HMGCLL1: variants seen among roughly 807,000 people sequenced by gnomAD.
HMGCLL1 encodes 3-hydroxy-3-methylglutaryl-CoA lyase like 1.
In HMGCLL1, 36 loss-of-function variants were observed where a neutral mutation model predicts 39.1. The observed-to-expected ratio is 0.92, with a 90% CI of 0.71 to 1.22. The LOEUF is 1.22. Among genes scored for constraint, HMGCLL1 ranks in the 50% most tolerant of loss-of-function variants. HMGCLL1 has a pLI of 0.00. For missense variants in HMGCLL1, 451 were observed against 416.5 expected, an observed-to-expected ratio of 1.08 and a Z score of -0.72; for synonymous variants, 149 against 144.0, an observed-to-expected ratio of 1.03 and a Z score of -0.25.
intron 6 of HMGCLL1, among the ~76,000 whole-genome samples, chr6:55,496,107 T>C (rs1242321596): frequency 6.6e-6 from 1 of 152,146 alleles, no homozygotes; most frequent in Non-Finnish European, 1.5e-5. Context: ...GTTTGAACTC[T>C]ATGGATCCAC....
intron 1 of HMGCLL1, among the ~76,000 whole-genome samples, chr6:55,566,306 A>G (rs1418308647): frequency 6.6e-6 from 1 of 152,100 alleles, no homozygotes; most frequent in Non-Finnish European, 1.5e-5. Context: ...TTGTTTGCCA[A>G]GCTTCCTAGA....
chr6:55,592,622 GC>G, the HMGCLL1 span, among the ~76,000 whole-genome samples: 1 of 152,002 alleles, frequency 6.6e-6, no homozygotes, highest in Admixed American at 6.6e-5. Flanking sequence ...GATGTAACAA[GC>G]AAAAATATAT....
At chr6:55,497,144 A>G (rs947599892) in intron 6 of HMGCLL1, among the ~76,000 whole-genome samples, 4 of 152,166 alleles carry the variant, frequency 2.6e-5, no homozygotes, top group Non-Finnish European at 4.4e-5. Context: ...GTATTTTGAC[A>G]AAGACATGGG....
chr6:55,550,362 T>C (rs991844743), intron 1 of HMGCLL1, among the ~76,000 whole-genome samples: 1 of 151,916 alleles, frequency 6.6e-6, no homozygotes, highest in Non-Finnish European at 1.5e-5. Flanking sequence ...AGCGCCACTT[T>C]ATCCAAGGTC....
the HMGCLL1 span, among the ~76,000 whole-genome samples, chr6:55,586,382 AAAACATGG>A: frequency 1.5e-5 from 2 of 129,742 alleles, no homozygotes; most frequent in East Asian, 5.4e-4. Flanking sequence ...AAAAACTAAC[AAAACATGG>A]AAATCAGTTT....
intron 5 of HMGCLL1, among the ~76,000 whole-genome samples, chr6:55,499,838 AT>A (rs1461025930): frequency 1.3e-5 from 2 of 151,978 alleles, no homozygotes. Flanking sequence ...TACCTAAATC[AT>A]TCCAAACAGA....
At chr6:55,624,685 T>C in the HMGCLL1 span, among the ~76,000 whole-genome samples, 1 of 152,106 alleles carries the variant, frequency 6.6e-6, no homozygotes, top group African/African-American at 2.4e-5. Context: ...GGATGGGAAA[T>C]AAATCTAACT....
intron 1 of HMGCLL1, among the ~76,000 whole-genome samples, chr6:55,565,469 G>T (rs1771169009): frequency 6.6e-6 from 1 of 151,858 alleles, no homozygotes; most frequent in Admixed American, 6.6e-5. Context: ...TATTTCATTT[G>T]TCCCATGTGA....
the HMGCLL1 span, among the ~76,000 whole-genome samples, chr6:55,633,223 T>C: frequency 2.0e-5 from 3 of 152,038 alleles, no homozygotes; most frequent in East Asian, 5.8e-4. Flanking sequence ...AACTTTTGTG[T>C]TCTTGAAGAA....
the HMGCLL1 span, among the ~76,000 whole-genome samples, chr6:55,631,853 G>A: frequency 1.3e-5 from 2 of 152,086 alleles, no homozygotes; most frequent in East Asian, 3.9e-4. Context: ...TGGATGTCAG[G>A]TAGGTCTGAC....
chr6:55,616,278 T>C, the HMGCLL1 span, among the ~76,000 whole-genome samples: 2 of 152,100 alleles, frequency 1.3e-5, no homozygotes, highest in African/African-American at 4.8e-5. Flanking sequence ...TACTGGGACT[T>C]GATCTCTTGA....
intron 3 of HMGCLL1, among the ~76,000 whole-genome samples, chr6:55,532,501 C>T (rs1184926049): frequency 6.6e-6 from 1 of 151,734 alleles, no homozygotes; most frequent in African/African-American, 2.4e-5. Flanking sequence ...AAAAAAAGTC[C>T]AAAGAGAAAA....
chr6:55,517,344 C>T (rs933912423), intron 3 of HMGCLL1, among the ~76,000 whole-genome samples: 14 of 151,996 alleles, frequency 9.2e-5, no homozygotes, highest in Non-Finnish European at 2.1e-4. Flanking sequence ...AATCAGATCC[C>T]ATAATCATCA....
At chr6:55,521,247 G>C (rs1768026496) in intron 3 of HMGCLL1, among the ~76,000 whole-genome samples, 1 of 152,040 alleles carries the variant, frequency 6.6e-6, no homozygotes, top group African/African-American at 2.4e-5. Context: ...TGAGATTAGT[G>C]GAATTTCAAG....
chr6:55,551,017 T>C (rs1021102217), intron 1 of HMGCLL1, among the ~76,000 whole-genome samples: 2 of 148,670 alleles, frequency 1.3e-5, no homozygotes, highest in South Asian at 4.2e-4. Context: ...CCTTGCCTAG[T>C]CTATACATCT....
the HMGCLL1 span, among the ~76,000 whole-genome samples, chr6:55,624,599 T>C: frequency 6.6e-6 from 1 of 152,152 alleles, no homozygotes. Context: ...CCATGGATGA[T>C]ATTATGCAGA....
intron 1 of HMGCLL1, among the ~76,000 whole-genome samples, chr6:55,560,032 G>A (rs908175678): frequency 6.6e-6 from 1 of 152,062 alleles, no homozygotes; most frequent in African/African-American, 2.4e-5. Context: ...TAATTCATTC[G>A]TTCATTCACA....
At chr6:55,548,901 T>A (rs1005094835) in intron 1 of HMGCLL1, among the ~76,000 whole-genome samples, 3 of 150,322 alleles carry the variant, frequency 2.0e-5, no homozygotes, top group African/African-American at 4.9e-5. Flanking sequence ...ATCAAAGAAA[T>A]CAAGAATAGG....
At chr6:55,642,903 AT>A in the HMGCLL1 span, among the ~76,000 whole-genome samples, 1 of 151,912 alleles carries the variant, frequency 6.6e-6, no homozygotes, top group African/African-American at 2.4e-5. Flanking sequence ...TTGATTTTCC[AT>A]TTCTGCATTA....
Sources: allele counts gnomAD v4.1 joint callset (sites outside exome capture counted in the v4.1 genomes callset), GRCh38; gene constraint gnomAD v4.1.1; transcripts MANE v1.5; gene names NCBI Gene and HGNC (gene_info 2026-07-23, HGNC 2026-07-21).